KIAA2012: variants seen among roughly 807,000 people sequenced by gnomAD.
The protein encoded by KIAA2012 is uncharacterized protein KIAA2012.
KIAA2012 carries 125 observed loss-of-function variants against 150.6 expected under a neutral mutation model. The ratio of observed to expected loss-of-function variants is 0.83; its 90% CI spans 0.72 to 0.96. The LOEUF (loss-of-function observed/expected upper bound fraction) is 0.96. KIAA2012 is among the 40% of genes least tolerant of loss of function. The probability of loss-of-function intolerance (pLI) is 0.00; values close to 1 mark genes in which losing one functional copy is unlikely to be tolerated. For missense variants in KIAA2012, 1,219 were observed against 1,354.9 expected, an observed-to-expected ratio of 0.90 and a Z score of 1.57; for synonymous variants, 462 against 504.7, an observed-to-expected ratio of 0.92 and a Z score of 1.13.
At chr2:202,159,568 A>T (rs1271316157) in intron 14 of KIAA2012, among the ~76,000 whole-genome samples, 1 of 152,178 alleles carries the variant, frequency 6.6e-6, no homozygotes, top group Non-Finnish European at 1.5e-5. Context: ...CTGACAGGGC[A>T]TGGTGGCTCC....
intron 15 of KIAA2012, among the ~76,000 whole-genome samples, chr2:202,181,139 T>C (rs1176540214): frequency 1.3e-5 from 2 of 152,090 alleles, no homozygotes; most frequent in East Asian, 1.9e-4. Flanking sequence ...CCAGCTGATT[T>C]TTCTATTTTT....
At chr2:202,133,060 G>A (rs1276770523) in intron 12 of KIAA2012, among the ~76,000 whole-genome samples, 3 of 136,726 alleles carry the variant, frequency 2.2e-5, no homozygotes, top group South Asian at 2.3e-4. Context: ...AGCCAAGATC[G>A]TGCCACTGCA....
At chr2:202,147,981 AGATCACTGTTTTGGCTT>A (rs1434055245) in intron 13 of KIAA2012, among the ~76,000 whole-genome samples, 1 of 152,212 alleles carries the variant, frequency 6.6e-6, no homozygotes, top group Non-Finnish European at 1.5e-5. Flanking sequence ...GGGGCAGAAG[AGATCACTGTTTTGGCTT>A]GAAATTTTTC....
At chr2:202,121,504 C>T (rs1690651416) in intron 11 of KIAA2012, among the ~76,000 whole-genome samples, 1 of 152,150 alleles carries the variant, frequency 6.6e-6, no homozygotes, top group Non-Finnish European at 1.5e-5. Flanking sequence ...TACTGAATAC[C>T]TCCCATATGC....
chr2:202,167,378 G>A (rs1469292389), intron 15 of KIAA2012, among the ~76,000 whole-genome samples: 4 of 152,200 alleles, frequency 2.6e-5, no homozygotes, highest in Non-Finnish European at 5.9e-5. Flanking sequence ...GATCTGGGCT[G>A]AGGCCTGACG....
At chr2:202,081,726 T>C (rs928746246) in intron 2 of KIAA2012, among the ~76,000 whole-genome samples, 2 of 152,034 alleles carry the variant, frequency 1.3e-5, no homozygotes, top group African/African-American at 4.8e-5. Context: ...TTTGTATTTT[T>C]AGTAGAGATG....
intron 2 of KIAA2012, among the ~76,000 whole-genome samples, chr2:202,076,390 A>AC: frequency 6.6e-6 from 1 of 151,782 alleles, no homozygotes; most frequent in Non-Finnish European, 1.5e-5. Flanking sequence ...TTTATCACCT[A>AC]CCCCCATGCC....
Position 202,074,980 on chromosome 2 carries a change from C to A in KIAA2012, c.174C>A (p.Leu58=). Residue 58 remains leucine, a synonymous_variant, in exon 2 of 24, where the codon CTC becomes CTA. Transcript: ENST00000498697. ...ATGCCAGTCAGCACTCCTGGAGCCT[C>A]TTTCTCCCTAAAACTTTCAGTACTA... ...KNNASQHSWS[L]FLPKTFSTRK... is the part of the protein sequence containing the mutation. 1.9e-6 allele frequency: 3 copies of A among 1,550,868 alleles called. No homozygotes were observed. The highest frequency in any genetic ancestry group is 2.6e-6 in the Non-Finnish European group (3 of 1,147,054).
intron 11 of KIAA2012, among the ~76,000 whole-genome samples, chr2:202,120,532 C>T (rs1575022819): frequency 6.6e-6 from 1 of 152,222 alleles, no homozygotes; most frequent in Non-Finnish European, 1.5e-5. Flanking sequence ...CCCACTGCAT[C>T]ACACAGCTTC....
rs1691451911 is a variant in KIAA2012 at position 202,152,650 on chromosome 2, T to C, written c.1909-2023T>C. 3.3e-5 allele frequency among the ~76,000 whole-genome samples: 5 copies of C among 152,082 alleles called. No homozygotes were observed. In the South Asian group the frequency reaches 1.0e-3, roughly 32 times the overall value. On this transcript the variant is annotated intron_variant, in intron 13 of 23. Transcript: ENST00000498697. Reference sequence around the variant, plus strand: ...CAAATGCTTTCATTTTATCGAGAAATGGAGAGGGACTGTCTCACCCTGAAA... The same window carrying C: ...CAAATGCTTTCATTTTATCGAGAAACGGAGAGGGACTGTCTCACCCTGAAA...
At chr2:202,089,552 C>A (rs1689664020) in intron 2 of KIAA2012, among the ~76,000 whole-genome samples, 1 of 152,238 alleles carries the variant, frequency 6.6e-6, no homozygotes, top group South Asian at 2.1e-4. Context: ...TGCTCTCTAT[C>A]CTTCCAGGCT....
At chr2:202,204,526 A>G (rs1692602607) in intron 23 of KIAA2012, among the ~76,000 whole-genome samples, 1 of 152,196 alleles carries the variant, frequency 6.6e-6, no homozygotes, top group African/African-American at 2.4e-5. Context: ...TTTTTCACAA[A>G]TTTCTTTTGG....
At chr2:202,091,433 G>A (rs1047907476) in intron 3 of KIAA2012, among the ~76,000 whole-genome samples, 9 of 152,178 alleles carry the variant, frequency 5.9e-5, no homozygotes, top group Admixed American at 5.9e-4. Flanking sequence ...GAAGTGAAAT[G>A]TTACGACTCT....
At chr2:202,187,142 G>T in intron 17 of KIAA2012, 44 bp downstream of exon 17, 1 of 1,539,798 alleles carries the variant, frequency 6.5e-7, no homozygotes, top group Middle Eastern at 1.7e-4. Context: ...GCCCTACTTG[G>T]ATCTCATCAA....
rs372442086 is a variant in KIAA2012 at position 202,132,739 on chromosome 2, A to ATATATGTATATATATAGTATATATGTG, written c.1832-5688_1832-5687insGTATATATATAGTATATATGTGTATAT. Among the ~76,000 whole-genome samples, 76 of 77,132 alleles carry ATATATGTATATATATAGTATATATGTG rather than the reference A, an allele frequency of 9.9e-4. 1 individual carries two copies. The highest frequency in any genetic ancestry group is 2.3e-3 in the African/African-American group (39 of 17,074). 50.6% of individuals were successfully genotyped at this position (77,132 alleles called of 152,430 possible). Reference sequence around the variant, plus strand: ...ATGTATATATATATAGTATATATGTATATATATAGTATATATGTATATATA... The same window carrying ATATATGTATATATATAGTATATATGTG: ...ATGTATATATATATAGTATATATGTATATATGTATATATATAGTATATATGTGTATATATAGTATATATGTATATATA... On this transcript the variant is annotated intron_variant, in intron 12 of 23. Coordinates refer to ENST00000498697, the MANE Select transcript of KIAA2012 (RefSeq NM_001277372.4).
chr2:202,179,375 G>T (rs1406683932), intron 15 of KIAA2012: 2 of 847,126 alleles, frequency 2.4e-6, no homozygotes, highest in Non-Finnish European at 4.0e-6. Flanking sequence ...TGCTTTGGCT[G>T]CTGTAGCTGG....
At chr2:202,203,979 C>A (rs1457037297) in intron 23 of KIAA2012, among the ~76,000 whole-genome samples, 3 of 151,996 alleles carry the variant, frequency 2.0e-5, no homozygotes, top group African/African-American at 7.2e-5. Flanking sequence ...CCATGTTAGC[C>A]AGGATGGTCT....
At position 202,073,298 on chromosome 2, in the gene KIAA2012, C is replaced by T. The variant is rs1219042060; in HGVS notation, c.-330C>T. The T allele has an allele frequency of 8.4e-6, 2 of 237,510 alleles. No homozygotes were observed. The highest frequency in any genetic ancestry group is 2.2e-5 in the African/African-American group (1 of 45,328). 14.7% of individuals were successfully genotyped at this position (237,510 alleles called of 1,614,324 possible). A position where few individuals can be genotyped will look rare whatever the true frequency, so the allele number is the denominator to read the frequency against. On this transcript the variant is annotated 5_prime_UTR_variant, in exon 1 of 24. It adds an upstream start codon to the 5' untranslated region. Coordinates refer to ENST00000498697, the MANE Select transcript of KIAA2012 (RefSeq NM_001277372.4). ...TGTGGCCGAGATCTGTAGATGCACACGGCTGGTAACAGAGCAACCGGGACC... is the reference window on the plus strand; with the variant it reads ...TGTGGCCGAGATCTGTAGATGCACATGGCTGGTAACAGAGCAACCGGGACC...
At chr2:202,084,407 G>A (rs966230020) in intron 2 of KIAA2012, among the ~76,000 whole-genome samples, 1 of 152,206 alleles carries the variant, frequency 6.6e-6, no homozygotes, top group Non-Finnish European at 1.5e-5. Flanking sequence ...TCATGCCTCT[G>A]CATTCAGAGA....
Sources: allele counts gnomAD v4.1 joint callset (sites outside exome capture counted in the v4.1 genomes callset), GRCh38; gene constraint gnomAD v4.1.1; transcripts MANE v1.5; gene names NCBI Gene and HGNC (gene_info 2026-07-23, HGNC 2026-07-21).